PRKN: variants seen among roughly 807,000 people sequenced by gnomAD.
The protein encoded by PRKN is parkin RBR E3 ubiquitin protein ligase.
In PRKN, 56 loss-of-function variants were observed where a neutral mutation model predicts 59.5. The observed-to-expected ratio is 0.94, with a 90% CI of 0.76 to 1.18. The LOEUF is 1.18. Among genes scored for constraint, PRKN ranks in the 50% most tolerant of loss-of-function variants. The pLI is 0.00. For missense variants in PRKN, 657 were observed against 596.4 expected (o/e 1.10, Z -1.06); for synonymous variants, 250 against 222.1 (o/e 1.13, Z -1.12).
At chr6:162,254,557 T>C (rs142901387) in intron 3 of PRKN, among the ~76,000 whole-genome samples, 8 of 152,298 alleles carry the variant, frequency 5.3e-5, no homozygotes, top group African/African-American at 1.4e-4. Flanking sequence ...CAGTGCTCAG[T>C]TGATTCAATC....
chr6:162,458,347 A>C, intron 1 of PRKN, among the ~76,000 whole-genome samples: 1 of 150,486 alleles, frequency 6.6e-6, no homozygotes, highest in Admixed American at 6.7e-5. Flanking sequence ...AATCACTTGA[A>C]CCCAGGAAGC....
intron 5 of PRKN, among the ~76,000 whole-genome samples, chr6:162,010,754 C>A (rs1236671702): frequency 9.9e-4 from 2 of 2,022 alleles, no homozygotes; most frequent in Non-Finnish European, 1.1e-3. Context: ...ATATAATATA[C>A]AATATATAAT....
chr6:161,800,371 T>C (rs1791030807), intron 6 of PRKN, among the ~76,000 whole-genome samples: 1 of 152,228 alleles, frequency 6.6e-6, no homozygotes, highest in Admixed American at 6.5e-5. Flanking sequence ...CATGGGTTCA[T>C]GGTTCTAAAA....
chr6:162,235,935 AAGG>A (rs1778648217), intron 3 of PRKN, among the ~76,000 whole-genome samples: 5 of 99,294 alleles, frequency 5.0e-5, no homozygotes, highest in African/African-American at 2.5e-4. Context: ...GGAAGGAAGG[AAGG>A]AAGGAAGGAA....
chr6:162,470,720 C>A (rs935719923), intron 1 of PRKN, among the ~76,000 whole-genome samples: 23 of 152,238 alleles, frequency 1.5e-4, no homozygotes, highest in Admixed American at 1.4e-3. Flanking sequence ...ACACCTGAGG[C>A]ATTCACACTT....
intron 5 of PRKN, among the ~76,000 whole-genome samples, chr6:162,050,871 G>A (rs1286676177): frequency 6.6e-6 from 1 of 152,066 alleles, no homozygotes; most frequent in East Asian, 1.9e-4. Context: ...AGAAGCCAGG[G>A]TACTGAACAG....
chr6:162,720,219 A>G (rs1006367380), intron 1 of PRKN, among the ~76,000 whole-genome samples: 3 of 152,140 alleles, frequency 2.0e-5, no homozygotes, highest in African/African-American at 7.2e-5. Flanking sequence ...TTAACTCCCT[A>G]ATCACCAATT....
chr6:162,314,786 A>G (rs1782674626), intron 2 of PRKN, among the ~76,000 whole-genome samples: 1 of 152,176 alleles, frequency 6.6e-6, no homozygotes, highest in South Asian at 2.1e-4. Flanking sequence ...CTCCTCTGAC[A>G]ATGCTTTGAT....
At chr6:161,491,405 T>C (rs1017495890) in intron 9 of PRKN, among the ~76,000 whole-genome samples, 4 of 152,180 alleles carry the variant, frequency 2.6e-5, no homozygotes, top group African/African-American at 9.7e-5. Flanking sequence ...ACATCGTTTG[T>C]TGGGTTGTTC....
intron 9 of PRKN, among the ~76,000 whole-genome samples, chr6:161,421,618 G>C (rs1031498426): frequency 1.3e-5 from 2 of 152,134 alleles, no homozygotes; most frequent in African/African-American, 4.8e-5. Flanking sequence ...TGTTCAGATA[G>C]AGACGTTTAC....
Position 161,456,115 on chromosome 6 carries a change from C to T in PRKN, c.1084-69238G>A, listed in dbSNP as rs1250508935. On this transcript the variant is annotated intron_variant, in intron 9 of 11. Transcript: ENST00000366898. The surrounding 1 kb of genome is among the most constrained non-coding windows in gnomAD (Gnocchi z 4.8). ...GTGTCAACTTGATTGGATTGAAGGACGCAAAGTATTGTTCCTGGGTGTGTC... is the reference window on the plus strand; with the variant it reads ...GTGTCAACTTGATTGGATTGAAGGATGCAAAGTATTGTTCCTGGGTGTGTC... Among the ~76,000 whole-genome samples the T allele has an allele frequency of 1.3e-5, 2 of 152,040 alleles. No individual in the cohort carries two copies. Among genetic ancestry groups the T allele is most frequent in the Admixed American group, 6.6e-5 (1 of 15,262 alleles).
chr6:161,946,571 C>G (rs1024580710), intron 6 of PRKN, among the ~76,000 whole-genome samples: 21 of 152,064 alleles, frequency 1.4e-4, no homozygotes, highest in African/African-American at 2.7e-4. Context: ...TCTGAATCTG[C>G]TGAAGGGGTG....
chr6:162,089,386 A>G (rs1348241932), intron 4 of PRKN, among the ~76,000 whole-genome samples: 1 of 138,806 alleles, frequency 7.2e-6, no homozygotes, highest in African/African-American at 2.6e-5. Context: ...AATTTAAAAC[A>G]AACAAGAAAA....
chr6:162,177,387 C>G (rs9458472), intron 4 of PRKN, among the ~76,000 whole-genome samples: 73,271 of 151,916 alleles, frequency 0.48, 19,570 homozygotes, highest in Non-Finnish European at 0.61. Flanking sequence ...GTTAGCAATG[C>G]TTGTATCAGC....
intron 6 of PRKN, among the ~76,000 whole-genome samples, chr6:161,828,241 A>G (rs1792328684): frequency 6.6e-6 from 1 of 152,242 alleles, no homozygotes; most frequent in South Asian, 2.1e-4. Context: ...CAATTAAGCC[A>G]AATAAAGCCT....
chr6:162,086,926 T>C (rs1779271115), intron 4 of PRKN, among the ~76,000 whole-genome samples: 1 of 152,326 alleles, frequency 6.6e-6, no homozygotes, highest in East Asian at 1.9e-4. Context: ...GAATTAATTA[T>C]ACATGAAGGA....
At chr6:162,356,488 T>G (rs1784860875) in intron 2 of PRKN, among the ~76,000 whole-genome samples, 1 of 152,072 alleles carries the variant, frequency 6.6e-6, no homozygotes, top group African/African-American at 2.4e-5. Context: ...GGCCCCAGAC[T>G]ACCATAGTAG....
chr6:161,384,631 T>G (rs941632403), intron 10 of PRKN, among the ~76,000 whole-genome samples: 1 of 152,226 alleles, frequency 6.6e-6, no homozygotes, highest in African/African-American at 2.4e-5. Context: ...AGATGTCATC[T>G]TGGGCCTGGA....
intron 1 of PRKN, among the ~76,000 whole-genome samples, chr6:162,563,639 C>G (rs751172911): frequency 1.3e-5 from 2 of 152,126 alleles, no homozygotes; most frequent in Admixed American, 1.3e-4. Context: ...CAACACCATC[C>G]AGGAAAACAT....
Sources: gnomAD v4.1 joint callset for allele counts (sites outside exome capture counted in the v4.1 genomes callset) on GRCh38, gnomAD v4.1.1 for gene constraint, Gnocchi (gnomAD v3.1) non-coding constraint, MANE v1.5 for transcripts, NCBI Gene and HGNC (gene_info 2026-07-23, HGNC 2026-07-21) for gene names.